The following PABPC4L variants were observed in gnomAD, a reference collection of about 807,000 sequenced individuals.
PABPC4L encodes the protein poly(A) binding protein cytoplasmic 4 like.
For missense variants in PABPC4L, 452 were observed against 451.4 expected (o/e 1.00, Z -0.01); for synonymous variants, 169 against 164.1 (o/e 1.03, Z -0.23).
chr4:134,108,098 G>A, the PABPC4L span, among the ~76,000 whole-genome samples: 1 of 151,322 alleles, frequency 6.6e-6, no homozygotes, highest in Non-Finnish European at 1.5e-5. Context: ...TCAGAAAGAT[G>A]GTCTAACAAT....
At chr4:134,101,310 A>G in the PABPC4L span, among the ~76,000 whole-genome samples, 188 of 151,718 alleles carry the variant, frequency 1.2e-3, 1 homozygote, top group Non-Finnish European at 2.2e-3. Flanking sequence ...GTAAACTTTA[A>G]TAATATCAGA....
chr4:134,163,964 T>G, the PABPC4L span, among the ~76,000 whole-genome samples: 2 of 151,906 alleles, frequency 1.3e-5, no homozygotes, highest in African/African-American at 4.8e-5. Context: ...ACCACTTCTG[T>G]TAAAAATAGA....
At chr4:134,035,879 CTTGT>C in the PABPC4L span, among the ~76,000 whole-genome samples, 1 of 151,982 alleles carries the variant, frequency 6.6e-6, no homozygotes, top group Non-Finnish European at 1.5e-5. Flanking sequence ...TTTTCATTTG[CTTGT>C]TTTTCTTATT....
chr4:134,057,946 A>G, the PABPC4L span, among the ~76,000 whole-genome samples: 1 of 152,084 alleles, frequency 6.6e-6, no homozygotes, highest in Admixed American at 6.6e-5. Flanking sequence ...AATTAAAATA[A>G]TTCTTATGAG....
the PABPC4L span, among the ~76,000 whole-genome samples, chr4:134,066,766 CT>C: frequency 3.0e-4 from 46 of 151,904 alleles, no homozygotes; most frequent in Non-Finnish European, 5.9e-4. Context: ...TTGAATTTTA[CT>C]AAAAGCCTTT....
chr4:134,073,564 C>T, the PABPC4L span, among the ~76,000 whole-genome samples: 5 of 144,890 alleles, frequency 3.5e-5, no homozygotes, highest in South Asian at 4.5e-4. Context: ...TCTTTTCTCA[C>T]AGCTCCACTA....
chr4:134,154,958 A>T, the PABPC4L span, among the ~76,000 whole-genome samples: 33 of 152,170 alleles, frequency 2.2e-4, no homozygotes, highest in South Asian at 1.2e-3. Flanking sequence ...AATATTGTAG[A>T]TGTTTTTTCT....
At chr4:133,986,825 T>G in the PABPC4L span, among the ~76,000 whole-genome samples, 3 of 151,772 alleles carry the variant, frequency 2.0e-5, no homozygotes, top group South Asian at 6.3e-4. Flanking sequence ...AACCTCTGAC[T>G]CCTGGGTTCA....
rs1372965031 is a variant in PABPC4L, at chr4:134,200,584, T to A, written c.436A>T (p.Asn146Tyr). 6.4e-7 allele frequency: 1 copy of A among 1,551,652 alleles called. No individual in the cohort carries two copies. Among genetic ancestry groups the A allele is most frequent in the Non-Finnish European group, 8.7e-7 (1 of 1,146,974 alleles). ...ATGGCCCTGTCTGCAGCACTCTGGT[T>A]CTGAAAGTGCACAAATGCATAGCCC... ...SKGYAFVHFQ[N>Y]QSAADRAIEE... The change falls in exon 2 of 2, where the codon AAC becomes TAC. Residue 146 changes from asparagine to tyrosine, a missense_variant. Coordinates refer to ENST00000421491, the MANE Select transcript of PABPC4L (RefSeq NM_001114734.2).
the PABPC4L span, among the ~76,000 whole-genome samples, chr4:134,031,766 A>G: frequency 6.6e-6 from 1 of 152,034 alleles, no homozygotes; most frequent in African/African-American, 2.4e-5. Context: ...ATATAACAAT[A>G]ATCTCTGCCC....
At chr4:134,093,830 A>G in the PABPC4L span, among the ~76,000 whole-genome samples, 76,465 of 151,196 alleles carry the variant, frequency 0.51, 20,518 homozygotes, top group East Asian at 0.94. Context: ...TGAAAGATGT[A>G]TTAATACCTG....
chr4:134,096,819 T>TA, the PABPC4L span, among the ~76,000 whole-genome samples: 1 of 152,032 alleles, frequency 6.6e-6, no homozygotes, highest in Admixed American at 6.6e-5. Context: ...AATAACGTTT[T>TA]AAATCACATT....
Position 134,199,673 on chromosome 4 carries a change from A to C in PABPC4L, c.*234T>G. The stretch of plus-strand genomic sequence containing the variant: ...TTGCTATGAACATATCAAAATAAGA[A>C]AAATGTGCAATATTAAAATTAGAAA... On this transcript the variant is annotated 3_prime_UTR_variant, in exon 2 of 2. Transcript: ENST00000421491. 1 of 499,810 alleles carries C rather than the reference A, an allele frequency of 2.0e-6. No individual in the cohort carries two copies. The highest frequency in any genetic ancestry group is 3.5e-6 in the Non-Finnish European group (1 of 287,150). 31.0% of individuals were successfully genotyped at this position (499,810 alleles called of 1,614,324 possible).
chr4:133,955,195 T>A, the PABPC4L span, among the ~76,000 whole-genome samples: 2 of 152,054 alleles, frequency 1.3e-5, no homozygotes, highest in Non-Finnish European at 2.9e-5. Flanking sequence ...TTGTTTCAGT[T>A]TACTCATGGC....
chr4:134,012,495 C>T, the PABPC4L span, among the ~76,000 whole-genome samples: 9 of 152,302 alleles, frequency 5.9e-5, no homozygotes, highest in East Asian at 3.9e-4. Flanking sequence ...TCCTGTAAAA[C>T]GGTCCCACCT....
the PABPC4L span, among the ~76,000 whole-genome samples, chr4:134,100,671 T>C: frequency 3.0e-3 from 459 of 151,756 alleles, 2 homozygotes; most frequent in Middle Eastern, 6.8e-3. Flanking sequence ...TATATAGTAC[T>C]AGGAAACTTG....
the PABPC4L span, among the ~76,000 whole-genome samples, chr4:134,013,904 C>T: frequency 7.5e-3 from 1,136 of 152,190 alleles, 21 homozygotes; most frequent in African/African-American, 0.026. Context: ...ACCTCCCCTC[C>T]TCACACCCAG....
the PABPC4L span, among the ~76,000 whole-genome samples, chr4:134,144,166 T>C: frequency 1.3e-5 from 2 of 151,526 alleles, no homozygotes; most frequent in Non-Finnish European, 3.0e-5. Flanking sequence ...TATGAAATTC[T>C]CCTGAAGGTA....
At chr4:134,151,678 A>C in the PABPC4L span, among the ~76,000 whole-genome samples, 1 of 152,106 alleles carries the variant, frequency 6.6e-6, no homozygotes, top group Non-Finnish European at 1.5e-5. Flanking sequence ...ATTAACTCAA[A>C]ATAAAGAGAA....
Sources: allele counts gnomAD v4.1 joint callset (sites outside exome capture counted in the v4.1 genomes callset), GRCh38; gene constraint gnomAD v4.1.1; transcripts MANE v1.5; gene names NCBI Gene and HGNC (gene_info 2026-07-23, HGNC 2026-07-21).